Variants in REPS2 observed in about 807,000 individuals in gnomAD.
REPS2 encodes the protein ralBP1-associated Eps domain-containing protein 2.
Under a neutral mutation model 53.6 loss-of-function variants are expected in REPS2, and 23 were observed. The observed-to-expected ratio is 0.43, with a 90% CI of 0.31 to 0.61. The LOEUF (loss-of-function observed/expected upper bound fraction) is 0.61. Among genes scored for constraint, REPS2 ranks in the 20% least tolerant of loss-of-function variants. The pLI is 0.11. For synonymous variants in REPS2, 238 were observed against 218.6 expected (o/e 1.09, Z -0.78); for missense variants, 446 against 534.9 (o/e 0.83, Z 1.64).
intron 1 of REPS2, among the ~76,000 whole-genome samples, chrX:16,984,835 G>C (rs2061071676): frequency 9.3e-6 from 1 of 107,823 alleles, no homozygotes; most frequent in Admixed American, 1.0e-4. Flanking sequence ...AAATCTCCTT[G>C]TACCAAACAC....
intron 5 of REPS2, among the ~76,000 whole-genome samples, chrX:17,040,493 G>A (rs2061817774): frequency 8.9e-6 from 1 of 112,219 alleles, no homozygotes; most frequent in African/African-American, 3.2e-5. Flanking sequence ...CAGTGATCAG[G>A]ATAGACAAAA....
At chrX:17,061,454 T>C (rs1203560486) in intron 8 of REPS2, among the ~76,000 whole-genome samples, 2 of 112,307 alleles carry the variant, frequency 1.8e-5, no homozygotes, top group African/African-American at 3.2e-5. Flanking sequence ...GCCAGTACTT[T>C]ACTGCAGAAG....
intron 3 of REPS2, among the ~76,000 whole-genome samples, chrX:17,023,633 G>A (rs1460720960): frequency 9.0e-6 from 1 of 111,100 alleles, no homozygotes; most frequent in African/African-American, 3.3e-5. Flanking sequence ...TCATAATTCT[G>A]ACACATTTTA....
chrX:17,106,702 C>T (rs754544401), intron 14 of REPS2, among the ~76,000 whole-genome samples: 1 of 111,595 alleles, frequency 9.0e-6, no homozygotes, highest in Non-Finnish European at 1.9e-5. Context: ...GCATGAGCCA[C>T]CATGCCCGGC....
At chrX:17,174,677 T>A in the REPS2 span, among the ~76,000 whole-genome samples, 3 of 112,728 alleles carry the variant, frequency 2.7e-5, no homozygotes, top group Admixed American at 1.9e-4. Flanking sequence ...TAAGTTAGTT[T>A]GGGAAGCCAT....
chrX:17,116,262 G>A (rs1246890453), intron 14 of REPS2, among the ~76,000 whole-genome samples: 1 of 109,297 alleles, frequency 9.1e-6, no homozygotes, highest in Non-Finnish European at 1.9e-5. Flanking sequence ...CCCAGGCTGT[G>A]CAATGGGATG....
chrX:17,070,092 G>A (rs1602912102), intron 11 of REPS2, 99 bp downstream of exon 11: 1 of 382,578 alleles, frequency 2.6e-6, no homozygotes, highest in Non-Finnish European at 4.3e-6. Context: ...GTGATAGTGT[G>A]TCTGTTTCTC....
the REPS2 span, among the ~76,000 whole-genome samples, chrX:17,159,421 T>A: frequency 9.0e-6 from 1 of 111,723 alleles, no homozygotes; most frequent in African/African-American, 3.3e-5. Context: ...AAATTTCCTC[T>A]TGTTACCTCT....
intron 1 of REPS2, among the ~76,000 whole-genome samples, chrX:16,989,096 CAT>C (rs2061128362): frequency 9.0e-6 from 1 of 111,277 alleles, no homozygotes; most frequent in Non-Finnish European, 1.9e-5. Flanking sequence ...TGGAGGGATA[CAT>C]GTATAGATCA....
At chrX:17,084,603 A>C (rs975263599) in intron 13 of REPS2, among the ~76,000 whole-genome samples, 1 of 112,193 alleles carries the variant, frequency 8.9e-6, no homozygotes, top group Non-Finnish European at 1.9e-5. Flanking sequence ...CCTAGTGGGC[A>C]TGAAGTGGTA....
At chrX:17,159,418 C>T in the REPS2 span, among the ~76,000 whole-genome samples, 3 of 111,445 alleles carry the variant, frequency 2.7e-5, no homozygotes, top group Non-Finnish European at 5.7e-5. Context: ...AGAAAATTTC[C>T]TCTTGTTACC....
At chrX:17,096,182 A>C (rs1372384768) in intron 13 of REPS2, among the ~76,000 whole-genome samples, 2 of 111,739 alleles carry the variant, frequency 1.8e-5, no homozygotes, top group Non-Finnish European at 3.8e-5. Context: ...TTCTGGCAGA[A>C]GCGATAGAGG....
rs778536649 is a variant in REPS2 at position 17,125,229 on chromosome X, A to AT, written c.1579-8591dup. On this transcript the variant is annotated intron_variant, in intron 14 of 17. Coordinates refer to ENST00000357277, the MANE Select transcript of REPS2 (RefSeq NM_004726.3). ...TTTAAACAAAATCTTACTGCTGAAG[A>AT]TTTTGCCCAGCTGCAAATATTTATC... Among the ~76,000 whole-genome samples the AT allele has an allele frequency of 9.0e-5, 10 of 110,683 alleles. No individual in the cohort carries two copies. The South Asian group carries it at 1.1e-3, about 13-fold the overall frequency.
intron 9 of REPS2, among the ~76,000 whole-genome samples, chrX:17,065,422 C>T (rs182524099): frequency 2.3e-3 from 254 of 112,148 alleles, no homozygotes; most frequent in Middle Eastern, 4.6e-3. Context: ...TATCTTCTTT[C>T]GCCAAGTGTC....
At position 17,102,435 on chromosome X, in the gene REPS2, T is replaced by G. The variant is rs2062821696; in HGVS notation, c.1517-1283T>G. 7.1e-5 allele frequency among the ~76,000 whole-genome samples: 8 copies of G among 111,967 alleles called. No homozygotes were observed. In the Admixed American group the frequency reaches 7.6e-4, roughly 11 times the overall value. ...ATTTTAAAGGTCCAATCTGTGAGGA[T>G]CTAAAGAGTAGGAGCCCTGAGATGA... On this transcript the variant is annotated intron_variant, in intron 13 of 17. Transcript: ENST00000357277.
In REPS2 at chrX:17,068,300, C is replaced by T. The variant is rs765633306; in HGVS notation, c.1210-102C>T. 64 of 525,638 alleles carry T rather than the reference C, an allele frequency of 1.2e-4. No individual in the cohort carries two copies. In the Middle Eastern group the frequency reaches 2.6e-3, roughly 21 times the overall value. 43.3% of individuals were successfully genotyped at this position (525,638 alleles called of 1,213,427 possible). Reference sequence around the variant, plus strand: ...CTGCACTCCAGCCTGGGCGACAGTGCGAGACTCTGTCTCAAAAAAAAAAAA... The same window carrying T: ...CTGCACTCCAGCCTGGGCGACAGTGTGAGACTCTGTCTCAAAAAAAAAAAA... On this transcript the variant is annotated intron_variant, in intron 9 of 17. Coordinates refer to ENST00000357277, the MANE Select transcript of REPS2 (RefSeq NM_004726.3).
At chrX:17,084,481 G>T (rs1352836830) in intron 13 of REPS2, among the ~76,000 whole-genome samples, 1 of 112,174 alleles carries the variant, frequency 8.9e-6, no homozygotes, top group Non-Finnish European at 1.9e-5. Flanking sequence ...AGCTATTGAA[G>T]TATTTTCCAG....
chrX:17,070,433 C>A (rs2062288699), intron 11 of REPS2, among the ~76,000 whole-genome samples: 1 of 112,022 alleles, frequency 8.9e-6, no homozygotes, highest in Admixed American at 9.5e-5. Context: ...ACCAGGAAGG[C>A]AACTATATGT....
intron 1 of REPS2, among the ~76,000 whole-genome samples, chrX:16,964,934 CCGGACGGGGCGGCTGGCCGGG>C (rs2147654315): frequency 2.5e-5 from 2 of 80,890 alleles, no homozygotes; most frequent in Non-Finnish European, 4.8e-5. Context: ...CACCTCCCTC[CCGGACGGGGCGGCTGGCCGGG>C]CAGAGTGGCT....
Sources: allele counts gnomAD v4.1 joint callset (sites outside exome capture counted in the v4.1 genomes callset), GRCh38; gene constraint gnomAD v4.1.1; transcripts MANE v1.5; gene names NCBI Gene and HGNC (gene_info 2026-07-23, HGNC 2026-07-21).